The following PCDHGC3 variants were observed in gnomAD, a reference collection of about 807,000 sequenced individuals.
PCDHGC3 encodes the protein protocadherin gamma subfamily C, 3.
Under a neutral mutation model 59.2 loss-of-function variants are expected in PCDHGC3, and 26 were observed. That is an observed-to-expected ratio of 0.44 (90% CI 0.32 to 0.61). The LOEUF (loss-of-function observed/expected upper bound fraction) is 0.61. Among genes scored for constraint, PCDHGC3 ranks in the 20% least tolerant of loss-of-function variants. The probability of loss-of-function intolerance (pLI) is 0.05; values close to 1 mark genes in which losing one functional copy is unlikely to be tolerated. For missense variants in PCDHGC3, 1,080 were observed against 1,221.8 expected, an observed-to-expected ratio of 0.88 and a Z score of 1.73; for synonymous variants, 487 against 519.7, an observed-to-expected ratio of 0.94 and a Z score of 0.86.
At position 141,490,551 on chromosome 5, in the gene PCDHGC3, T is replaced by C; in HGVS notation, c.2431-4256T>C. On this transcript the variant is annotated intron_variant, in intron 1 of 3. Coordinates refer to ENST00000308177, the MANE Select transcript of PCDHGC3 (RefSeq NM_002588.4). The surrounding 1 kb of genome is among the most constrained non-coding windows in gnomAD (Gnocchi z 5.4). ...CTGGTTCACCTTCCCTACACAAACA[T>C]CTCACCATCAGGCTCAACATTTCAG... 1 of 1,614,088 alleles carries C rather than the reference T, an allele frequency of 6.2e-7. No individual in the cohort carries two copies. The highest frequency in any genetic ancestry group is 1.1e-5 in the South Asian group (1 of 91,086).
rs951185891 is a variant in PCDHGC3, at chr5:141,494,814, C to T, written c.2438C>T (p.Pro813Leu). 7 of 1,614,152 alleles carry T rather than the reference C, an allele frequency of 4.3e-6. No individual in the cohort carries two copies. The highest frequency in any genetic ancestry group is 1.7e-5 in the Admixed American group (1 of 60,024). Residue 813 changes from proline to leucine, a missense_variant, in exon 2 of 4, where the codon CCG becomes CTG. By Grantham distance (98) the Pro-to-Leu change is moderately conservative (BLOSUM62 -3). Transcript: ENST00000308177. The part of the protein sequence containing the change: ...AESAPPGQQA[P>L]PNTDWRFSQA... ...CCTCTGTTTTCTCCACAGCAAGCCCCGCCCAACACGGACTGGCGTTTCTCT... is the reference window on the plus strand; with the variant it reads ...CCTCTGTTTTCTCCACAGCAAGCCCTGCCCAACACGGACTGGCGTTTCTCT...
Position 141,476,610 on chromosome 5 carries a change from G to A in PCDHGC3, c.494G>A (p.Gly165Glu), listed in dbSNP as rs769858609. ...GAGAGCGCGCACGATCCCGATGTGGGAAGCAACTCTTTACAAACCTATGAG... is the reference window on the plus strand; with the variant it reads ...GAGAGCGCGCACGATCCCGATGTGGAAAGCAACTCTTTACAAACCTATGAG... The part of the protein sequence containing the change: ...PLESAHDPDV[G>E]SNSLQTYELS... Residue 165 changes from glycine (G) to glutamate (E), a missense_variant, in exon 1 of 4, where the codon GGA becomes GAA. Physicochemically the swap from Gly to Glu is moderately conservative, Grantham distance 98. Coordinates refer to ENST00000308177, the MANE Select transcript of PCDHGC3 (RefSeq NM_002588.4). The surrounding 1 kb of genome is among the most constrained non-coding windows in gnomAD (Gnocchi z 7.6). The A allele has an allele frequency of 1.2e-6, 2 of 1,614,262 alleles. No homozygotes were observed. The highest frequency in any genetic ancestry group is 3.3e-5 in the Admixed American group (2 of 60,036).
chr5:141,489,359 AG>A lies in PCDHGC3; in HGVS notation c.2431-5447del. On this transcript the variant is annotated intron_variant, in intron 1 of 3. Coordinates refer to ENST00000308177, the MANE Select transcript of PCDHGC3 (RefSeq NM_002588.4). The surrounding 1 kb of genome is among the most constrained non-coding windows in gnomAD (Gnocchi z 4.5). ...CGTTACTCAGTGGTGGAGGAGTCTG[AG>A]CCGGGGACGCTGGTGGGGAATGTTG... 1 of 1,613,110 alleles carries A rather than the reference AG, an allele frequency of 6.2e-7. No homozygotes were observed. The highest frequency in any genetic ancestry group is 1.1e-5 in the South Asian group (1 of 90,984).
chr5:141,477,438 C>T lies in PCDHGC3; in HGVS notation c.1322C>T (p.Thr441Ile), dbSNP rs1386997844. The change falls in exon 1 of 4, where the codon ACA becomes ATA. Residue 441 changes from threonine (T) to isoleucine (I), a missense_variant. By Grantham distance (89) the Thr-to-Ile change is moderately conservative. Transcript: ENST00000308177. This position sits in a 1 kb window ranked among gnomAD's most constrained non-coding sequence, Gnocchi z 4.9. ...GGAACCCCTTCCCTCTCAGCCCTTA[C>T]AATAGTGCGTGTTCAAGTGTCCGAC... ...DAGTPSLSAL[T>I]IVRVQVSDIN... 6.2e-7 allele frequency: 1 copy of T among 1,614,174 alleles called. No homozygotes were observed. The highest frequency in any genetic ancestry group is 8.5e-7 in the Non-Finnish European group (1 of 1,180,030).
At chr5:141,479,982 C>T (rs368461965) in intron 1 of PCDHGC3, among the ~76,000 whole-genome samples, 1 of 152,192 alleles carries the variant, frequency 6.6e-6, no homozygotes, top group South Asian at 2.1e-4. Flanking sequence ...CTACCATTTA[C>T]CAACTAGGAG....
rs1478890031 is a variant in PCDHGC3, at chr5:141,478,689, C to G, written c.2430+143C>G. On this transcript the variant is annotated intron_variant, in intron 1 of 3. Coordinates refer to ENST00000308177, the MANE Select transcript of PCDHGC3 (RefSeq NM_002588.4). Reference sequence around the variant, plus strand: ...CACTTTCAACTGGCCCTTCCTAGATCAAAGTTAGTGCCTTTGTGAGATGGT... The same window carrying G: ...CACTTTCAACTGGCCCTTCCTAGATGAAAGTTAGTGCCTTTGTGAGATGGT... 3 of 1,550,866 alleles carry G rather than the reference C, an allele frequency of 1.9e-6. No homozygotes were observed. In the African/African-American group the frequency reaches 4.1e-5, roughly 21 times the overall value.
intron 1 of PCDHGC3, chr5:141,478,798 T>G: frequency 6.8e-7 from 1 of 1,463,780 alleles, no homozygotes. Flanking sequence ...TCCTCAGCAC[T>G]CTTTTGCTAT....
At position 141,478,293 on chromosome 5, in the gene PCDHGC3, T is replaced by C. The variant is rs2099444312; in HGVS notation, c.2177T>C (p.Leu726Pro). 1.2e-6 allele frequency: 2 copies of C among 1,614,026 alleles called. No individual in the cohort carries two copies. Residue 726 changes from leucine (L) to proline (P), a missense_variant, in exon 1 of 4, where the codon CTA (leucine) becomes CCA (proline). Coordinates refer to ENST00000308177, the MANE Select transcript of PCDHGC3 (RefSeq NM_002588.4). ...TACAAGTGGAAGCAGTCTAGAGACC[T>C]ATACCGAGCCCCGGTGAGCTCACTG... ...KVYKWKQSRD[L>P]YRAPVSSLYR...
chr5:141,502,468 C>A (rs1007796183), intron 2 of PCDHGC3, among the ~76,000 whole-genome samples: 6 of 151,190 alleles, frequency 4.0e-5, no homozygotes, highest in Non-Finnish European at 8.8e-5. Flanking sequence ...GGAATACTTC[C>A]CGCAGCATCA....
Position 141,478,417 on chromosome 5 carries a change from C to G in PCDHGC3, c.2301C>G (p.Arg767=). Residue 767 remains arginine, a synonymous_variant, in exon 1 of 4, where the codon CGC becomes CGG. Transcript: ENST00000308177. ...AGGTGTATCTCACCACGGACTCCCG[C>G]CGCAGCGACCCGCTGCTGAAGAAAC... The part of the protein sequence containing the change: ...YHQVYLTTDS[R]RSDPLLKKPG... 1 of 1,613,652 alleles carries G rather than the reference C, an allele frequency of 6.2e-7. No homozygotes were observed. Among genetic ancestry groups the G allele is most frequent in the Non-Finnish European group, 8.5e-7 (1 of 1,180,018 alleles).
rs773899530 is a variant in PCDHGC3 at position 141,494,864 on chromosome 5, G to C, written c.2488G>C (p.Gly830Arg). ...FSQAQRPGTS[G>R]SQNGDDTGTW... ...TCAGGCCCAGAGACCCGGCACCAGCGGGTAGGTGACTGATTCTCCAGCCCA... is the reference window on the plus strand; with the variant it reads ...TCAGGCCCAGAGACCCGGCACCAGCCGGTAGGTGACTGATTCTCCAGCCCA... The change falls in exon 2 of 4, where the codon GGC becomes CGC. Residue 830 changes from glycine (G) to arginine (R), a missense_variant and splice_region_variant. Transcript: ENST00000308177. The C allele has an allele frequency of 1.2e-6, 2 of 1,614,068 alleles. No individual in the cohort carries two copies. Among genetic ancestry groups the C allele is most frequent in the Middle Eastern group, 1.6e-4 (1 of 6,062 alleles).
chr5:141,488,572 T>C (rs888054788), intron 1 of PCDHGC3, among the ~76,000 whole-genome samples: 28 of 152,212 alleles, frequency 1.8e-4, no homozygotes, highest in African/African-American at 6.8e-4. Flanking sequence ...CCGCAAAGCA[T>C]TGCTGGAGAG....
chr5:141,508,334 C>T (rs1323577321), intron 3 of PCDHGC3: 2 of 151,150 alleles, frequency 1.3e-5, no homozygotes, highest in African/African-American at 4.9e-5. Flanking sequence ...GGAGAACTGA[C>T]TCTACAGAAA....
Position 141,491,504 on chromosome 5 carries a change from G to T in PCDHGC3, c.2431-3303G>T. 6.2e-7 allele frequency: 1 copy of T among 1,614,048 alleles called. No homozygotes were observed. The highest frequency in any genetic ancestry group is 2.2e-5 in the East Asian group (1 of 44,876). Reference sequence around the variant, plus strand: ...CCCAACCTGCAGGTGAGCTCGGACGGCACGCTCAAGTACATGGAGGTGACG... The same window carrying T: ...CCCAACCTGCAGGTGAGCTCGGACGTCACGCTCAAGTACATGGAGGTGACG... On this transcript the variant is annotated intron_variant, in intron 1 of 3. Transcript: ENST00000308177. The surrounding 1 kb of genome is among the most constrained non-coding windows in gnomAD (Gnocchi z 6.9).
rs888457230 is a variant in PCDHGC3, at chr5:141,493,727, C to T, written c.2431-1080C>T. On this transcript the variant is annotated intron_variant, in intron 1 of 3. Transcript: ENST00000308177. This position sits in a 1 kb window ranked among gnomAD's most constrained non-coding sequence, Gnocchi z 4.3. ...TGGAATGCTAGGTTTCTGGGTTCTG[C>T]TCATATCACTGCCACCTGTGAGCCT... Among the ~76,000 whole-genome samples, 2 of 152,184 alleles carry T rather than the reference C, an allele frequency of 1.3e-5. No homozygotes were observed. Among genetic ancestry groups the T allele is most frequent in the Admixed American group, 6.5e-5 (1 of 15,280 alleles).
At chr5:141,494,976 G>A in intron 2 of PCDHGC3, 111 bp downstream of exon 2, 1 of 1,575,636 alleles carries the variant, frequency 6.3e-7, no homozygotes. Flanking sequence ...TTCTCCCTCA[G>A]TTTGAGATCC....
chr5:141,477,719 T>C lies in PCDHGC3; in HGVS notation c.1603T>C (p.Leu535=). 6.2e-7 allele frequency: 1 copy of C among 1,613,876 alleles called. No individual in the cohort carries two copies. Among genetic ancestry groups the C allele is most frequent in the Non-Finnish European group, 8.5e-7 (1 of 1,180,028 alleles). The part of the protein sequence containing the change: ...LDYEDRREFE[L]TAHISDGGTP... ...CTATGAGGATCGGCGGGAATTTGAA[T>C]TAACAGCTCATATCAGCGATGGGGG... The change falls in exon 1 of 4, where the codon TTA becomes CTA. Residue 535 remains leucine (L), a synonymous_variant. Transcript: ENST00000308177. The surrounding 1 kb of genome is among the most constrained non-coding windows in gnomAD (Gnocchi z 4.9).
In PCDHGC3 at chr5:141,512,848, G is replaced by C. The variant is rs1362051688; in HGVS notation, c.*1675G>C. The C allele has an allele frequency of 6.6e-6, 1 of 152,216 alleles. No individual in the cohort carries two copies. 9.4% of individuals were successfully genotyped at this position (152,216 alleles called of 1,614,324 possible). ...CCCCGTACTGACTTCTCCTATAAGC[G>C]CTTCTCTTCGCATAGTCACGTAGCT... On this transcript the variant is annotated 3_prime_UTR_variant, in exon 4 of 4. Transcript: ENST00000308177.
intron 3 of PCDHGC3, among the ~76,000 whole-genome samples, chr5:141,505,981 A>G (rs1285802357): frequency 6.6e-6 from 1 of 151,898 alleles, no homozygotes; most frequent in Non-Finnish European, 1.5e-5. Context: ...CCGAGAGAAC[A>G]CCTCCTCTTT....
Sources: allele counts gnomAD v4.1 joint callset (sites outside exome capture counted in the v4.1 genomes callset), GRCh38; gene constraint gnomAD v4.1.1; non-coding constraint Gnocchi (gnomAD v3.1); transcripts MANE v1.5; gene names NCBI Gene and HGNC (gene_info 2026-07-23, HGNC 2026-07-21).